Variants in BPIFB2 observed in about 807,000 individuals in gnomAD.
BPIFB2 encodes BPI fold-containing family B member 2.
BPIFB2 carries 39 observed loss-of-function variants against 50.1 expected under a neutral mutation model. The ratio of observed to expected loss-of-function variants is 0.78; its 90% CI spans 0.60 to 1.02. The LOEUF (loss-of-function observed/expected upper bound fraction) is 1.02, where lower values mean the gene tolerates loss of function less well. Ranked by LOEUF, BPIFB2 falls within the 50% of genes least tolerant of loss-of-function variation. BPIFB2 has a pLI of 0.00. For synonymous variants in BPIFB2, 280 were observed against 256.3 expected, an observed-to-expected ratio of 1.09 and a Z score of -0.88; for missense variants, 574 against 585.8, an observed-to-expected ratio of 0.98 and a Z score of 0.21.
At chr20:33,014,753 C>G (rs766939347) in intron 5 of BPIFB2, among the ~76,000 whole-genome samples, 1 of 152,240 alleles carries the variant, frequency 6.6e-6, no homozygotes, top group Non-Finnish European at 1.5e-5. Context: ...GCTGCGTAAA[C>G]CCATTCACAC....
chr20:33,012,686 A>G lies in BPIFB2; in HGVS notation c.204-117A>G, dbSNP rs1793005160. 6.2e-6 allele frequency: 5 copies of G among 805,480 alleles called. No individual in the cohort carries two copies. In the African/African-American group the frequency reaches 8.6e-5, roughly 14 times the overall value. The allele number at this position is 805,480 out of a possible 1,614,324, so 49.9% of individuals were successfully genotyped here. The stretch of plus-strand genomic sequence containing the variant: ...CATCTTCCCCTTACCTCATGGTTCC[A>G]ATTGTCAGAAAGCCCTTCTTTATAA... On this transcript the variant is annotated intron_variant, in intron 3 of 15. Transcript: ENST00000170150.
At chr20:33,020,855 G>A (rs1978637777) in intron 13 of BPIFB2, among the ~76,000 whole-genome samples, 1 of 152,206 alleles carries the variant, frequency 6.6e-6, no homozygotes, top group Non-Finnish European at 1.5e-5. Flanking sequence ...TCAGCCAGGT[G>A]ATGTGATTGG....
At chr20:33,018,458 C>A in intron 8 of BPIFB2, 108 bp downstream of exon 8, 1 of 1,306,502 alleles carries the variant, frequency 7.7e-7, no homozygotes, top group Non-Finnish European at 1.1e-6. Flanking sequence ...AGAGGAGGAG[C>A]TGGAATAGTG....
chr20:33,011,957 C>T (rs572572313), intron 3 of BPIFB2, among the ~76,000 whole-genome samples: 92 of 152,098 alleles, frequency 6.0e-4, no homozygotes, highest in East Asian at 1.5e-3. Context: ...CCAGCCTGGA[C>T]GACAAGAATG....
At chr20:33,018,845 AG>A in intron 9 of BPIFB2, 23 bp downstream of exon 9, 1 of 1,600,926 alleles carries the variant, frequency 6.2e-7, no homozygotes, top group African/African-American at 1.3e-5. Context: ...CCTGCAGCCC[AG>A]GGCCTGTGGG....
intron 8 of BPIFB2, 70 bp downstream of exon 8, chr20:33,018,420 T>C (rs1978513936): frequency 2.1e-6 from 3 of 1,455,480 alleles, no homozygotes; most frequent in Middle Eastern, 1.8e-4. Context: ...TCCAGAAGAT[T>C]CCTAAAGGAG....
In BPIFB2 at chr20:33,012,850, T is replaced by C. The variant is rs1345013740; in HGVS notation, c.251T>C (p.Ile84Thr). The C allele has an allele frequency of 1.2e-6, 2 of 1,614,106 alleles. No homozygotes were observed. The highest frequency in any genetic ancestry group is 1.7e-6 in the Non-Finnish European group (2 of 1,179,986). ...VHVPRLHLKF[I>T]AGFGVRLLAA... ...GTGCCCCGCCTCCACCTGAAATTCA[T>C]TGCTGGTTTCGGAGTGCGCCTGCTG... is the stretch of plus-strand genomic sequence containing the variant. Residue 84 changes from isoleucine (I) to threonine (T), a missense_variant, in exon 4 of 16, where the codon ATT becomes ACT. Coordinates refer to ENST00000170150, the MANE Select transcript of BPIFB2 (RefSeq NM_025227.3).
rs775185883 is a variant in BPIFB2 at position 33,019,048 on chromosome 20, G to A, written c.856-14G>A. ...TGTCCTAAAACCTGTTGTGGCCTGG[G>A]GTGCTGATTTCAGAGGTCGGATGAC... On this transcript the variant is annotated splice_polypyrimidine_tract_variant and intron_variant, in intron 9 of 15. Coordinates refer to ENST00000170150, the MANE Select transcript of BPIFB2 (RefSeq NM_025227.3). 16 of 1,614,050 alleles carry A rather than the reference G, an allele frequency of 9.9e-6. No individual in the cohort carries two copies. The Admixed American group carries it at 2.3e-4, about 24-fold the overall frequency.
intron 14 of BPIFB2, 138 bp downstream of exon 14, chr20:33,021,482 T>C (rs1978669476): frequency 4.9e-6 from 5 of 1,014,644 alleles, no homozygotes; most frequent in Non-Finnish European, 7.4e-6. Context: ...TAGCAGCCCA[T>C]GTGTGCATGC....
In BPIFB2 at chr20:33,023,561, C is replaced by T. The variant is rs1180706497; in HGVS notation, c.*178C>T. 2 of 679,330 alleles carry T rather than the reference C, an allele frequency of 2.9e-6. No homozygotes were observed. The highest frequency in any genetic ancestry group is 3.5e-5 in the African/African-American group (2 of 56,468). The allele number at this position is 679,330 out of a possible 1,614,324, so 42.1% of individuals were successfully genotyped here. ...CTGGGTCTCCCTCCCTCACTTCTGC[C>T]CTTTCCCTTCCTCCTCCTCTTCTCC... On this transcript the variant is annotated 3_prime_UTR_variant, in exon 16 of 16. Transcript: ENST00000170150.
chr20:33,019,572 C>A lies in BPIFB2; in HGVS notation c.910-8C>A. 6.3e-7 allele frequency: 1 copy of A among 1,578,172 alleles called. No individual in the cohort carries two copies. Among genetic ancestry groups the A allele is most frequent in the African/African-American group, 1.3e-5 (1 of 74,204 alleles). On this transcript the variant is annotated splice_region_variant and splice_polypyrimidine_tract_variant and intron_variant, in intron 10 of 15. Transcript: ENST00000170150. The stretch of plus-strand genomic sequence containing the variant: ...TCAGCAGGGCCTCCTCCGCCTCTGC[C>A]TCCCCAGGTGGCCCGCCAGTTTCCC...
At chr20:33,014,760 ACACTTGTGT>A (rs1978348371) in intron 5 of BPIFB2, among the ~76,000 whole-genome samples, 1 of 152,296 alleles carries the variant, frequency 6.6e-6, no homozygotes, top group South Asian at 2.1e-4. Flanking sequence ...AAACCCATTC[ACACTTGTGT>A]CGCATGATCA....
rs572627767 is a variant in BPIFB2 at position 33,023,599 on chromosome 20, C to T, written c.*216C>T. The T allele has an allele frequency of 6.2e-5, 39 of 628,422 alleles. No individual in the cohort carries two copies. In the East Asian group the frequency reaches 1.1e-3, roughly 17 times the overall value. The allele number at this position is 628,422 out of a possible 1,614,324, so 38.9% of individuals were successfully genotyped here. ...CCTCCTCTTCTCCTCCCTCTTCCCT[C>T]ATCTCCCCCCTCCTTCCTCTGCCCC... On this transcript the variant is annotated 3_prime_UTR_variant, in exon 16 of 16. Coordinates refer to ENST00000170150, the MANE Select transcript of BPIFB2 (RefSeq NM_025227.3).
At chr20:33,018,473 A>G in intron 8 of BPIFB2, 123 bp downstream of exon 8, 1 of 1,284,848 alleles carries the variant, frequency 7.8e-7, no homozygotes, top group East Asian at 2.3e-5. Flanking sequence ...ATAGTGTCCC[A>G]GCCGGGAGCA....
chr20:33,021,717 C>G lies in BPIFB2; in HGVS notation c.1259-6C>G. 6.2e-7 allele frequency: 1 copy of G among 1,613,984 alleles called. No homozygotes were observed. Among genetic ancestry groups the G allele is most frequent in the Non-Finnish European group, 8.5e-7 (1 of 1,179,832 alleles). ...GGGACGATCCTTTCTTCTTTCTCGC[C>G]TGCAGCTCTCTTGGCCATGGGAATT... On this transcript the variant is annotated splice_polypyrimidine_tract_variant and splice_region_variant and intron_variant, in intron 14 of 15. Coordinates refer to ENST00000170150, the MANE Select transcript of BPIFB2 (RefSeq NM_025227.3).
At chr20:33,014,784 G>T (rs1228640548) in intron 5 of BPIFB2, among the ~76,000 whole-genome samples, 1 of 152,326 alleles carries the variant, frequency 6.6e-6, no homozygotes, top group East Asian at 1.9e-4. Context: ...TGATCACCAC[G>T]TGTGACTCAC....
intron 6 of BPIFB2, among the ~76,000 whole-genome samples, chr20:33,015,764 G>A (rs1978404297): frequency 1.3e-5 from 2 of 152,050 alleles, no homozygotes; most frequent in African/African-American, 4.8e-5. Flanking sequence ...TCATGCTAGA[G>A]GGTGGATGGA....
At position 33,023,430 on chromosome 20, in the gene BPIFB2, G is replaced by A. The variant is rs181126621; in HGVS notation, c.*47G>A. The A allele has an allele frequency of 4.5e-4, 712 of 1,595,096 alleles. 3 individuals carry two copies. The African/African-American group carries it at 8.5e-3, about 19-fold the overall frequency. ...GAGAGTGGGCCAGCTCGCTGCTCAG[G>A]CGAATTTCTCATTTCAAGCCACTGG... is the stretch of plus-strand genomic sequence containing the variant. On this transcript the variant is annotated 3_prime_UTR_variant, in exon 16 of 16. Transcript: ENST00000170150.
At position 33,020,405 on chromosome 20, in the gene BPIFB2, C is replaced by A; in HGVS notation, c.1148+10C>A. ...CCACGTCTGTGCTGGGGTAAACGAGCCCACCTGGACCCAGCAGCCTCAGTG... is the reference window on the plus strand; with the variant it reads ...CCACGTCTGTGCTGGGGTAAACGAGACCACCTGGACCCAGCAGCCTCAGTG... On this transcript the variant is annotated intron_variant, in intron 12 of 15. Transcript: ENST00000170150. The A allele has an allele frequency of 6.2e-7, 1 of 1,613,460 alleles. No homozygotes were observed. The highest frequency in any genetic ancestry group is 1.7e-5 in the Admixed American group (1 of 59,990).
Sources: gnomAD v4.1 joint callset for allele counts (sites outside exome capture counted in the v4.1 genomes callset) on GRCh38, gnomAD v4.1.1 for gene constraint, MANE v1.5 for transcripts, NCBI Gene and HGNC (gene_info 2026-07-23, HGNC 2026-07-21) for gene names.